ABCC1: variants seen among roughly 807,000 people sequenced by gnomAD.
ABCC1 encodes the protein multidrug resistance-associated protein 1.
A neutral mutation model predicts 172.9 loss-of-function variants in ABCC1; 83 were observed. The ratio of observed to expected loss-of-function variants is 0.48; its 90% CI spans 0.40 to 0.58. ABCC1 has a LOEUF of 0.58. Among genes scored for constraint, ABCC1 ranks in the 20% least tolerant of loss-of-function variants. The pLI is 0.00. For missense variants in ABCC1, 1,817 were observed against 2,002.7 expected, an observed-to-expected ratio of 0.91 and a Z score of 1.77; for synonymous variants, 937 against 825.2, an observed-to-expected ratio of 1.14 and a Z score of -2.32.
chr16:16,046,163 A>T lies in ABCC1; in HGVS notation c.1218+150A>T, dbSNP rs142664539. ...TTCCGTGACCTTAGGTGGCAGGGAC[A>T]GCACGCATCAGGCATTGTACGTTAG... is the stretch of plus-strand genomic sequence containing the variant. On this transcript the variant is annotated intron_variant, in intron 9 of 30. Coordinates refer to ENST00000399410, the MANE Select transcript of ABCC1 (RefSeq NM_004996.4). The T allele has an allele frequency of 1.5e-3, 1,210 of 815,446 alleles. 6 individuals are homozygous for T. The highest frequency in any genetic ancestry group is 1.9e-3 in the Non-Finnish European group (984 of 519,194). The allele number at this position is 815,446 out of a possible 1,614,324, so 50.5% of individuals were successfully genotyped here.
intron 22 of ABCC1, among the ~76,000 whole-genome samples, chr16:16,112,231 A>G (rs1357670627): frequency 2.6e-5 from 4 of 152,212 alleles, no homozygotes; most frequent in East Asian, 1.9e-4. Flanking sequence ...ACGTGGTGGT[A>G]TGCGCTTGTG....
At chr16:16,009,631 G>T in intron 2 of ABCC1, 145 bp from the exon 3 acceptor site, 1 of 810,058 alleles carries the variant, frequency 1.2e-6, no homozygotes, top group Non-Finnish European at 1.8e-6. Flanking sequence ...CCTTATTCCA[G>T]TGGATATGTG....
chr16:16,052,849 G>A (rs1050961008), intron 11 of ABCC1, 33 bp downstream of exon 11: 5 of 1,606,594 alleles, frequency 3.1e-6, no homozygotes, highest in Admixed American at 1.7e-5. Context: ...CCCCCAAGCC[G>A]GGCCCTAGGC....
chr16:16,048,329 T>G, intron 10 of ABCC1, 26 bp downstream of exon 10: 1 of 1,612,318 alleles, frequency 6.2e-7, no homozygotes, highest in East Asian at 2.2e-5. Flanking sequence ...CGTTTCCCTT[T>G]GCATGCAGGG....
intron 21 of ABCC1, among the ~76,000 whole-genome samples, chr16:16,110,046 G>A (rs71378224): frequency 6.6e-6 from 1 of 151,914 alleles, no homozygotes; most frequent in Non-Finnish European, 1.5e-5. Context: ...TCCTACCTCA[G>A]GGCCTTTGCA....
chr16:16,061,409 C>T (rs976058510), intron 12 of ABCC1, among the ~76,000 whole-genome samples: 3 of 152,240 alleles, frequency 2.0e-5, no homozygotes, highest in Non-Finnish European at 2.9e-5. Context: ...GGATGTTTCC[C>T]AGCATCTGTG....
At chr16:16,047,918 C>G (rs1167863956) in intron 9 of ABCC1, among the ~76,000 whole-genome samples, 1 of 151,980 alleles carries the variant, frequency 6.6e-6, no homozygotes, top group Non-Finnish European at 1.5e-5. Context: ...GGTCCCTTGC[C>G]AACTGATGAG....
chr16:16,059,860 G>A (rs1368433309), intron 12 of ABCC1, among the ~76,000 whole-genome samples: 2 of 151,488 alleles, frequency 1.3e-5, no homozygotes, highest in African/African-American at 4.9e-5. Flanking sequence ...GCCAGGTGTG[G>A]TGGAGCATGC....
chr16:16,070,701 G>A (rs536702505), intron 13 of ABCC1, among the ~76,000 whole-genome samples: 4 of 152,216 alleles, frequency 2.6e-5, no homozygotes, highest in Admixed American at 1.3e-4. Context: ...TTTTGCCACA[G>A]TTGATTTATC....
At chr16:16,133,042 G>C (rs2045766020) in intron 27 of ABCC1, among the ~76,000 whole-genome samples, 1 of 152,048 alleles carries the variant, frequency 6.6e-6, no homozygotes, top group Non-Finnish European at 1.5e-5. Flanking sequence ...TAGAATTTGT[G>C]ATCTCTAGAA....
chr16:16,053,278 A>G (rs1429851142), intron 11 of ABCC1, among the ~76,000 whole-genome samples: 3 of 151,908 alleles, frequency 2.0e-5, no homozygotes, highest in African/African-American at 7.3e-5. Context: ...TAATCTCTTT[A>G]TTTAAATTAA....
At chr16:16,008,943 T>G (rs111698373) in intron 2 of ABCC1, among the ~76,000 whole-genome samples, 7,274 of 145,838 alleles carry the variant, frequency 0.05, 578 homozygotes, top group African/African-American at 0.16. Flanking sequence ...TTTTTTTTTT[T>G]TTGTTGTTGT....
intron 16 of ABCC1, among the ~76,000 whole-genome samples, chr16:16,080,032 C>CA (rs1337364262): frequency 2.0e-5 from 3 of 152,158 alleles, no homozygotes; most frequent in Non-Finnish European, 2.9e-5. Flanking sequence ...AGGCTGGTCT[C>CA]AAACTCCTGA....
intron 14 of ABCC1, among the ~76,000 whole-genome samples, chr16:16,074,967 G>A (rs2050499020): frequency 7.9e-6 from 1 of 126,530 alleles, no homozygotes; most frequent in South Asian, 2.4e-4. Context: ...TTTTTTTTGA[G>A]ACAGAGTTTC....
chr16:15,997,584 C>T (rs1214982724), intron 1 of ABCC1, among the ~76,000 whole-genome samples: 2 of 152,046 alleles, frequency 1.3e-5, no homozygotes, highest in Non-Finnish European at 2.9e-5. Flanking sequence ...TAGGAAGCAG[C>T]CTCGGGTAGC....
chr16:15,979,067 C>G (rs768271749), intron 1 of ABCC1, among the ~76,000 whole-genome samples: 1 of 151,940 alleles, frequency 6.6e-6, no homozygotes, highest in African/African-American at 2.4e-5. Flanking sequence ...CCCAGGTGGG[C>G]GGATCATGAG....
chr16:16,007,169 A>G (rs1416314325), intron 1 of ABCC1, among the ~76,000 whole-genome samples: 1 of 151,410 alleles, frequency 6.6e-6, no homozygotes, highest in Admixed American at 6.6e-5. Context: ...ATGAGATGCT[A>G]CATACCTTTT....
At chr16:16,123,553 A>G (rs1169595384) in intron 24 of ABCC1, among the ~76,000 whole-genome samples, 2 of 151,900 alleles carry the variant, frequency 1.3e-5, no homozygotes, top group African/African-American at 4.8e-5. Flanking sequence ...CTTGAACCCA[A>G]GAGGCAGAGG....
intron 1 of ABCC1, among the ~76,000 whole-genome samples, chr16:15,954,382 C>A (rs1390913425): frequency 6.6e-6 from 1 of 152,092 alleles, no homozygotes; most frequent in Non-Finnish European, 1.5e-5. Context: ...TCTCTCCCTT[C>A]CTTATGGAGT....
Sources: allele counts gnomAD v4.1 joint callset (sites outside exome capture counted in the v4.1 genomes callset), GRCh38; gene constraint gnomAD v4.1.1; transcripts MANE v1.5; gene names NCBI Gene and HGNC (gene_info 2026-07-23, HGNC 2026-07-21).